The following CENPP variants were observed in gnomAD, a reference collection of about 807,000 sequenced individuals.
CENPP encodes centromere protein P.
A neutral mutation model predicts 35.6 loss-of-function variants in CENPP; 24 were observed. The observed-to-expected ratio is 0.67, with a 90% CI of 0.49 to 0.95. The LOEUF is 0.95. Among genes scored for constraint, CENPP ranks in the 40% least tolerant of loss-of-function variants. The pLI is 0.00. For synonymous variants in CENPP, 120 were observed against 125.5 expected (o/e 0.96, Z 0.29); for missense variants, 332 against 345.3 (o/e 0.96, Z 0.31).
chr9:92,417,972 C>A (rs1843669261), intron 5 of CENPP, among the ~76,000 whole-genome samples: 1 of 152,214 alleles, frequency 6.6e-6, no homozygotes, highest in Non-Finnish European at 1.5e-5. Context: ...AAGGGATCCT[C>A]TGGCCTCGGC....
chr9:92,457,458 C>G, intron 5 of CENPP: 2 of 1,611,650 alleles, frequency 1.2e-6, no homozygotes, highest in Non-Finnish European at 1.7e-6. Flanking sequence ...CCCACTCTTG[C>G]AATTGAATTA....
intron 4 of CENPP, among the ~76,000 whole-genome samples, chr9:92,367,197 C>T (rs1211700225): frequency 2.0e-5 from 3 of 152,112 alleles, no homozygotes; most frequent in Non-Finnish European, 2.9e-5. Context: ...GACAGAGTCT[C>T]ACTCTGTCTC....
At chr9:92,342,617 G>A (rs183175770) in intron 3 of CENPP, among the ~76,000 whole-genome samples, 14 of 152,300 alleles carry the variant, frequency 9.2e-5, no homozygotes, top group African/African-American at 3.1e-4. Flanking sequence ...TGGTAAACAA[G>A]GTGTTGGAAG....
At chr9:92,491,090 T>C (rs1218338425) in intron 5 of CENPP, among the ~76,000 whole-genome samples, 1 of 152,228 alleles carries the variant, frequency 6.6e-6, no homozygotes, top group Non-Finnish European at 1.5e-5. Context: ...ATGAGTTGTC[T>C]CTGTTAAGTT....
At chr9:92,368,704 T>C (rs1841943762) in intron 4 of CENPP, among the ~76,000 whole-genome samples, 1 of 152,198 alleles carries the variant, frequency 6.6e-6, no homozygotes, top group Non-Finnish European at 1.5e-5. Flanking sequence ...ATTTGACATA[T>C]ATCTGTGTTC....
intron 2 of CENPP, among the ~76,000 whole-genome samples, chr9:92,332,553 A>G (rs1434119181): frequency 2.0e-5 from 3 of 152,234 alleles, no homozygotes; most frequent in Non-Finnish European, 4.4e-5. Flanking sequence ...TCATGCCTAT[A>G]ATCCCAGCTT....
intron 5 of CENPP, among the ~76,000 whole-genome samples, chr9:92,568,902 C>G (rs1233687840): frequency 6.6e-6 from 1 of 152,172 alleles, no homozygotes; most frequent in African/African-American, 2.4e-5. Flanking sequence ...AGTGTCTGTT[C>G]ATGTCCTTTG....
intron 5 of CENPP, among the ~76,000 whole-genome samples, chr9:92,461,887 G>GT (rs1435900774): frequency 1.3e-5 from 2 of 152,158 alleles, no homozygotes; most frequent in African/African-American, 4.8e-5. Flanking sequence ...ACCAGTTAAG[G>GT]TTTTTTGTGT....
chr9:92,351,642 T>C (rs1353847325), intron 4 of CENPP, among the ~76,000 whole-genome samples: 5 of 152,128 alleles, frequency 3.3e-5, no homozygotes, highest in Admixed American at 1.3e-4. Flanking sequence ...TATTTGCCTT[T>C]TTTCTTTAGA....
chr9:92,618,521 C>T lies in CENPP; in HGVS notation c.*5372C>T, dbSNP rs766877347. On this transcript the variant is annotated 3_prime_UTR_variant, in exon 8 of 8. Transcript: ENST00000375587. ...GCACATTTCCATTGCCCAGCTGCAT[C>T]CTTGGTCGGGGGGCTGCTGAACAGT... 1.3e-5 allele frequency: 6 copies of T among 456,590 alleles called. No homozygotes were observed. The highest frequency in any genetic ancestry group is 2.0e-5 in the African/African-American group (1 of 50,074). 28.3% of individuals were successfully genotyped at this position (456,590 alleles called of 1,614,324 possible).
intron 5 of CENPP, among the ~76,000 whole-genome samples, chr9:92,566,668 A>G (rs374036513): frequency 2.6e-5 from 4 of 152,238 alleles, no homozygotes; most frequent in African/African-American, 9.6e-5. Flanking sequence ...GAAATGATCA[A>G]TTCTTAGGAG....
At chr9:92,541,803 G>GT (rs969185441) in intron 5 of CENPP, among the ~76,000 whole-genome samples, 24 of 150,876 alleles carry the variant, frequency 1.6e-4, no homozygotes, top group East Asian at 3.9e-4. Flanking sequence ...TTCCTTTTTT[G>GT]TTTTTTTTGA....
chr9:92,482,147 A>T (rs1845933252), intron 5 of CENPP: 2 of 152,182 alleles, frequency 1.3e-5, no homozygotes, highest in Non-Finnish European at 2.9e-5. Flanking sequence ...TTAGGTTTGT[A>T]TTTAAATGCT....
rs113641176 is a variant in CENPP, at chr9:92,547,693, G to C, written c.565-63621G>C. On this transcript the variant is annotated intron_variant, in intron 5 of 7. Transcript: ENST00000375587. ...AGGGAATGACTGTTAATGGGTACAG[G>C]GTTTCTTTATGGAGTGACTAAAATG... Among the ~76,000 whole-genome samples the C allele has an allele frequency of 8.1e-3, 1,229 of 152,300 alleles. 6 individuals carry two copies. Among genetic ancestry groups the C allele is most frequent in the Non-Finnish European group, 0.012 (850 of 68,026 alleles).
In CENPP at chr9:92,614,088, C is replaced by CTGTT. The variant is rs1851356057; in HGVS notation, c.*941_*944dup. On this transcript the variant is annotated 3_prime_UTR_variant, in exon 8 of 8. Coordinates refer to ENST00000375587, the MANE Select transcript of CENPP (RefSeq NM_001012267.3). ...TTTTCTCTTCTCCCTCAAATACAGG[C>CTGTT]TGTTTTCATCGTGTCTAGTCCAGCC... 6.6e-6 allele frequency: 1 copy of CTGTT among 152,282 alleles called. No homozygotes were observed. Among genetic ancestry groups the CTGTT allele is most frequent in the South Asian group, 2.1e-4 (1 of 4,836 alleles). 9.4% of individuals were successfully genotyped at this position (152,282 alleles called of 1,614,324 possible). A position where few individuals can be genotyped will look rare whatever the true frequency, so the allele number is the denominator to read the frequency against.
chr9:92,566,960 T>G (rs1399713150), intron 5 of CENPP, among the ~76,000 whole-genome samples: 1 of 152,210 alleles, frequency 6.6e-6, no homozygotes, highest in African/African-American at 2.4e-5. Flanking sequence ...GCAGCACACA[T>G]AAATTTCTCA....
intron 5 of CENPP, among the ~76,000 whole-genome samples, chr9:92,467,623 TC>T (rs901216948): frequency 6.6e-6 from 1 of 152,218 alleles, no homozygotes; most frequent in African/African-American, 2.4e-5. Flanking sequence ...CACAAAAATC[TC>T]CCTTTGTTTA....
chr9:92,534,787 G>A (rs1391883351), intron 5 of CENPP, among the ~76,000 whole-genome samples: 2 of 152,202 alleles, frequency 1.3e-5, no homozygotes, highest in African/African-American at 4.8e-5. Context: ...GGCATGGCAA[G>A]TGTGCTCTGA....
intron 4 of CENPP, among the ~76,000 whole-genome samples, chr9:92,354,430 A>G (rs561763280): frequency 1.1e-3 from 161 of 152,286 alleles, no homozygotes; most frequent in Non-Finnish European, 1.9e-3. Context: ...CACCATGGCC[A>G]CTTTACTTTG....
Sources: gnomAD v4.1 joint callset for allele counts (sites outside exome capture counted in the v4.1 genomes callset) on GRCh38, gnomAD v4.1.1 for gene constraint, MANE v1.5 for transcripts, NCBI Gene and HGNC (gene_info 2026-07-23, HGNC 2026-07-21) for gene names.